ESRRG: variants seen among roughly 807,000 people sequenced by gnomAD.
ESRRG encodes the protein estrogen related receptor gamma.
ESRRG carries 13 observed loss-of-function variants against 44.0 expected under a neutral mutation model. The ratio of observed to expected loss-of-function variants is 0.30; its 90% CI spans 0.19 to 0.47. The LOEUF is 0.47. ESRRG is among the 20% of genes least tolerant of loss of function. The probability of loss-of-function intolerance (pLI) is 1.00; values close to 1 mark genes in which losing one functional copy is unlikely to be tolerated. For missense variants in ESRRG, 395 were observed against 580.6 expected, an observed-to-expected ratio of 0.68 and a Z score of 3.29; for synonymous variants, 215 against 214.6, an observed-to-expected ratio of 1.00 and a Z score of -0.02.
intron 1 of ESRRG, among the ~76,000 whole-genome samples, chr1:216,700,365 T>G (rs908956962): frequency 1.3e-5 from 2 of 152,180 alleles, no homozygotes; most frequent in African/African-American, 4.8e-5. Context: ...AAGTACTTTC[T>G]AAGCATTTTA....
intron 1 of ESRRG, among the ~76,000 whole-genome samples, chr1:217,044,776 CT>C (rs2084542834): frequency 6.6e-6 from 1 of 152,144 alleles, no homozygotes; most frequent in South Asian, 2.1e-4. Context: ...TTCACTGGCA[CT>C]TGGTTATTAA....
At chr1:217,068,382 C>A (rs146166199) in intron 1 of ESRRG, among the ~76,000 whole-genome samples, 8 of 150,276 alleles carry the variant, frequency 5.3e-5, no homozygotes, top group Non-Finnish European at 1.0e-4. Flanking sequence ...TCTCCAGGGG[C>A]GTTTAATCCC....
At chr1:217,009,661 C>T (rs1359847805) in intron 1 of ESRRG, among the ~76,000 whole-genome samples, 2 of 151,714 alleles carry the variant, frequency 1.3e-5, no homozygotes, top group African/African-American at 4.8e-5. Context: ...CCATGTCTCC[C>T]ATGAGCATAT....
At chr1:216,688,811 G>T (rs181101812) in intron 1 of ESRRG, among the ~76,000 whole-genome samples, 1 of 152,120 alleles carries the variant, frequency 6.6e-6, no homozygotes, top group African/African-American at 2.4e-5. Flanking sequence ...AAATCACTTT[G>T]TCATCGCTTT....
At chr1:216,804,034 A>C (rs1311566196) in intron 2 of ESRRG, among the ~76,000 whole-genome samples, 1 of 150,842 alleles carries the variant, frequency 6.6e-6, no homozygotes, top group African/African-American at 2.4e-5. Context: ...AGGCAGAATA[A>C]AAAAAAAATA....
intron 1 of ESRRG, among the ~76,000 whole-genome samples, chr1:217,061,676 AG>A (rs1425456342): frequency 6.6e-6 from 1 of 152,202 alleles, no homozygotes; most frequent in Non-Finnish European, 1.5e-5. Context: ...AAACAAGGCC[AG>A]GGGAGAACTA....
chr1:216,598,115 AG>A (rs1290789062), intron 3 of ESRRG, among the ~76,000 whole-genome samples: 4 of 152,248 alleles, frequency 2.6e-5, no homozygotes, highest in Admixed American at 6.5e-5. Flanking sequence ...AAGGAATGGA[AG>A]GGCATCTTTG....
chr1:217,133,631 T>TCTCTCTC (rs2092998462), intron 1 of ESRRG, among the ~76,000 whole-genome samples: 8 of 58,448 alleles, frequency 1.4e-4, no homozygotes, highest in Non-Finnish European at 2.2e-4. Context: ...CTTTCTTTCT[T>TCTCTCTC]TCTCTCTCTC....
chr1:216,959,163 A>T (rs1334313024), intron 1 of ESRRG, among the ~76,000 whole-genome samples: 2 of 151,984 alleles, frequency 1.3e-5, no homozygotes, highest in Admixed American at 1.3e-4. Flanking sequence ...TATGAGGACA[A>T]GGAATTTTGA....
intron 1 of ESRRG, among the ~76,000 whole-genome samples, chr1:217,046,311 G>A (rs1404806970): frequency 6.6e-6 from 1 of 152,114 alleles, no homozygotes; most frequent in Non-Finnish European, 1.5e-5. Flanking sequence ...AGATGATCAA[G>A]AAATAGGTGT....
intron 1 of ESRRG, among the ~76,000 whole-genome samples, chr1:217,053,463 A>G (rs113162629): frequency 0.024 from 2,518 of 103,434 alleles, 37 homozygotes; most frequent in Admixed American, 0.043. Flanking sequence ...CCAAAGCCAA[A>G]AAAAAGAAAG....
intron 3 of ESRRG, among the ~76,000 whole-genome samples, chr1:216,616,809 A>C (rs533440890): frequency 6.6e-6 from 1 of 152,316 alleles, no homozygotes; most frequent in African/African-American, 2.4e-5. Context: ...TGTAAGCACA[A>C]CGGGAGGAAA....
chr1:217,016,384 A>C (rs1190816885), intron 1 of ESRRG, among the ~76,000 whole-genome samples: 3 of 152,114 alleles, frequency 2.0e-5, no homozygotes, highest in Non-Finnish European at 4.4e-5. Context: ...GGCAAGTAAC[A>C]ATTTAGTTGA....
chr1:216,952,450 T>C lies in ESRRG; in HGVS notation c.-105-12777A>G, dbSNP rs181878705. Among the ~76,000 whole-genome samples the C allele has an allele frequency of 3.2e-3, 481 of 152,266 alleles. 1 individual carries two copies. Among genetic ancestry groups the C allele is most frequent in the Middle Eastern group, 0.014 (4 of 294 alleles). On this transcript the variant is annotated intron_variant, in intron 1 of 7. Coordinates refer to the ESRRG transcript ENST00000359162. ...TGAGTTGTGTGGTCATGGTCAGGGATCTTATTGCATTCCTGAATCTTACCC... is the reference window on the plus strand; with the variant it reads ...TGAGTTGTGTGGTCATGGTCAGGGACCTTATTGCATTCCTGAATCTTACCC...
At chr1:216,822,219 C>T (rs1205357086) in intron 2 of ESRRG, among the ~76,000 whole-genome samples, 3 of 152,166 alleles carry the variant, frequency 2.0e-5, no homozygotes. Context: ...ATATGCAGCT[C>T]TGTCCAAGTA....
chr1:217,069,442 C>CAT (rs1325344112), intron 1 of ESRRG, among the ~76,000 whole-genome samples: 18 of 125,306 alleles, frequency 1.4e-4, no homozygotes, highest in African/African-American at 4.4e-4. Flanking sequence ...TATATATATA[C>CAT]ATATATATAG....
At chr1:217,041,300 T>A (rs2151129666) in intron 1 of ESRRG, among the ~76,000 whole-genome samples, 1 of 152,290 alleles carries the variant, frequency 6.6e-6, no homozygotes, top group South Asian at 2.1e-4. Context: ...TTTTTCCTCA[T>A]CTAATCCCCT....
intron 1 of ESRRG, among the ~76,000 whole-genome samples, chr1:216,684,345 T>C (rs1169200162): frequency 1.3e-5 from 2 of 152,360 alleles, no homozygotes; most frequent in Admixed American, 6.5e-5. Flanking sequence ...ACAGTTTCTG[T>C]ATTTAAGGAT....
chr1:217,035,074 G>T (rs2082645449), intron 1 of ESRRG, among the ~76,000 whole-genome samples: 1 of 152,144 alleles, frequency 6.6e-6, no homozygotes, highest in Non-Finnish European at 1.5e-5. Context: ...TGGATTAGTG[G>T]TGTGACCTTG....
Sources: gnomAD v4.1 joint callset for allele counts (sites outside exome capture counted in the v4.1 genomes callset) on GRCh38, gnomAD v4.1.1 for gene constraint, MANE v1.5 for transcripts, NCBI Gene and HGNC (gene_info 2026-07-23, HGNC 2026-07-21) for gene names.